The following HFM1 variants were observed in gnomAD, a reference collection of about 807,000 sequenced individuals.
HFM1 encodes probable ATP-dependent DNA helicase HFM1.
A neutral mutation model predicts 192.1 loss-of-function variants in HFM1; 169 were observed. That is an observed-to-expected ratio of 0.88 (90% confidence interval 0.78 to 1.00). The LOEUF (loss-of-function observed/expected upper bound fraction) is 1.00. HFM1 is among the 50% of genes least tolerant of loss of function. HFM1 has a pLI of 0.00. For synonymous variants in HFM1, 525 were observed against 537.8 expected (o/e 0.98, Z 0.33); for missense variants, 1,661 against 1,668.0 (o/e 1.00, Z 0.07).
chr1:91,318,961 C>T (rs1570933832), intron 25 of HFM1, 117 bp downstream of exon 25: 1 of 989,542 alleles, frequency 1.0e-6, no homozygotes. Flanking sequence ...CTTATTTAAG[C>T]CTACAAACAC....
intron 2 of HFM1, among the ~76,000 whole-genome samples, chr1:91,398,097 C>T (rs1244915238): frequency 6.6e-6 from 1 of 152,212 alleles, no homozygotes; most frequent in Non-Finnish European, 1.5e-5. Context: ...TTCTCAGACT[C>T]TAGCCAAAGC....
intron 18 of HFM1, among the ~76,000 whole-genome samples, chr1:91,349,306 G>A (rs166855): frequency 3.3e-5 from 5 of 151,884 alleles, no homozygotes; most frequent in Non-Finnish European, 7.4e-5. Flanking sequence ...AAAATGCCCA[G>A]AAATTCTTTG....
intron 20 of HFM1, among the ~76,000 whole-genome samples, chr1:91,327,569 T>A (rs759259661): frequency 6.6e-6 from 1 of 152,150 alleles, no homozygotes; most frequent in African/African-American, 2.4e-5. Flanking sequence ...ACTGAACAGA[T>A]CATCCAGACA....
At chr1:91,360,347 G>C (rs1490364803) in intron 13 of HFM1, among the ~76,000 whole-genome samples, 2 of 152,118 alleles carry the variant, frequency 1.3e-5, no homozygotes, top group Non-Finnish European at 2.9e-5. Context: ...AGGGATGAAG[G>C]AAAACTTACC....
At chr1:91,333,976 T>C (rs372543532) in intron 20 of HFM1, among the ~76,000 whole-genome samples, 2 of 152,186 alleles carry the variant, frequency 1.3e-5, no homozygotes, top group African/African-American at 4.8e-5. Context: ...CTAAGAGGAA[T>C]GGTCAGTGTA....
At position 91,262,473 on chromosome 1, in the gene HFM1, C is replaced by T. The variant is rs756289532; in HGVS notation, c.4086+8G>A. ...TTAAAAGAAAAACAAAGAAGTGCTT[C>T]TTCTTACAATAACTGCATTTCCGGC... On this transcript the variant is annotated splice_region_variant and intron_variant, in intron 37 of 38. Transcript: ENST00000370425. 6.3e-7 allele frequency: 1 copy of T among 1,579,290 alleles called. No individual in the cohort carries two copies. Among genetic ancestry groups the T allele is most frequent in the Admixed American group, 1.7e-5 (1 of 58,708 alleles).
In HFM1 at chr1:91,303,676, T is replaced by C. The variant is rs184809823; in HGVS notation, c.3391+9673A>G. 9.2e-4 allele frequency among the ~76,000 whole-genome samples: 140 copies of C among 152,330 alleles called. 1 individual carries two copies. Among genetic ancestry groups the C allele is most frequent in the Middle Eastern group, 6.8e-3 (2 of 294 alleles). Reference sequence around the variant, plus strand: ...TCCATATCCTTATCAACACATGTTATTGTCCATCATTTTGACTAAAGCCAC... The same window carrying C: ...TCCATATCCTTATCAACACATGTTACTGTCCATCATTTTGACTAAAGCCAC... On this transcript the variant is annotated intron_variant, in intron 30 of 38. Transcript: ENST00000370425.
At chr1:91,390,927 A>G (rs1229414839) in intron 4 of HFM1, among the ~76,000 whole-genome samples, 2 of 152,190 alleles carry the variant, frequency 1.3e-5, no homozygotes, top group Non-Finnish European at 2.9e-5. Context: ...CAAAATCAAC[A>G]TGCAAAAATC....
At chr1:91,387,290 T>C (rs1662331036) in intron 4 of HFM1, among the ~76,000 whole-genome samples, 1 of 151,962 alleles carries the variant, frequency 6.6e-6, no homozygotes, top group Admixed American at 6.6e-5. Flanking sequence ...TTCACAATGA[T>C]AGGAAGAGCC....
intron 30 of HFM1, among the ~76,000 whole-genome samples, chr1:91,289,856 G>A (rs1411334158): frequency 2.6e-5 from 4 of 152,136 alleles, no homozygotes; most frequent in Non-Finnish European, 4.4e-5. Context: ...CGTGCAAAGA[G>A]GGAGAGGGAG....
chr1:91,277,875 T>C (rs57643421), intron 30 of HFM1, among the ~76,000 whole-genome samples: 11,243 of 112,082 alleles, frequency 0.1, 703 homozygotes, highest in East Asian at 0.16. Context: ...ATATATATAA[T>C]ATATACTTAT....
intron 30 of HFM1, among the ~76,000 whole-genome samples, chr1:91,277,714 T>C (rs1356669314): frequency 2.4e-5 from 3 of 127,520 alleles, no homozygotes; most frequent in African/African-American, 9.1e-5. Flanking sequence ...ATATATACTT[T>C]ATATAATATA....
chr1:91,404,422 T>TC (rs1314015122), intron 1 of HFM1, among the ~76,000 whole-genome samples: 17 of 151,580 alleles, frequency 1.1e-4, no homozygotes, highest in East Asian at 9.8e-4. Context: ...GATGGGTACG[T>TC]CCCCCCCAGC....
At chr1:91,401,404 G>A (rs893369123) in intron 1 of HFM1, among the ~76,000 whole-genome samples, 3 of 152,124 alleles carry the variant, frequency 2.0e-5, no homozygotes, top group Admixed American at 6.5e-5. Flanking sequence ...CAAGTTATAG[G>A]TCAAATGTCA....
intron 11 of HFM1, among the ~76,000 whole-genome samples, chr1:91,377,009 G>A (rs1220147770): frequency 4.6e-5 from 7 of 151,468 alleles, no homozygotes; most frequent in Non-Finnish European, 7.4e-5. Context: ...CATTGTTATA[G>A]TGTTTGATAA....
intron 30 of HFM1, among the ~76,000 whole-genome samples, chr1:91,306,488 T>G (rs1649630505): frequency 6.6e-6 from 1 of 152,210 alleles, no homozygotes; most frequent in South Asian, 2.1e-4. Context: ...GTTAACATAG[T>G]GAATTATATT....
At chr1:91,290,342 A>G (rs1668595881) in intron 30 of HFM1, among the ~76,000 whole-genome samples, 1 of 152,216 alleles carries the variant, frequency 6.6e-6, no homozygotes, top group Admixed American at 6.5e-5. Context: ...CTTAAAATAA[A>G]AGGATGGAGG....
At chr1:91,267,601 T>A in intron 35 of HFM1, 144 bp downstream of exon 35, 1 of 521,572 alleles carries the variant, frequency 1.9e-6, no homozygotes, top group East Asian at 3.4e-5. Context: ...ATTTTCAGTT[T>A]TGCTAAAAAT....
chr1:91,277,639 CTATATATAA>C (rs1469710749), intron 30 of HFM1, among the ~76,000 whole-genome samples: 2 of 124,928 alleles, frequency 1.6e-5, no homozygotes, highest in Non-Finnish European at 3.2e-5. Flanking sequence ...ATAATATATA[CTATATATAA>C]TATATACTAA....
Sources: gnomAD v4.1 joint callset for allele counts (sites outside exome capture counted in the v4.1 genomes callset) on GRCh38, gnomAD v4.1.1 for gene constraint, MANE v1.5 for transcripts, NCBI Gene and HGNC (gene_info 2026-07-23, HGNC 2026-07-21) for gene names.